SLC4A4: variants seen among roughly 807,000 people sequenced by gnomAD.
SLC4A4 encodes the protein electrogenic sodium bicarbonate cotransporter 1.
SLC4A4 carries 27 observed loss-of-function variants against 111.5 expected under a neutral mutation model. That is an observed-to-expected ratio of 0.24 (90% CI 0.18 to 0.33). The LOEUF is 0.33. Ranked by LOEUF, SLC4A4 falls within the 10% of genes least tolerant of loss-of-function variation. The pLI is 1.00. For missense variants in SLC4A4, 909 were observed against 1,315.5 expected (o/e 0.69, Z 4.78); for synonymous variants, 443 against 463.4 (o/e 0.96, Z 0.57).
chr4:71,439,433 C>A (rs1724480272), intron 7 of SLC4A4, among the ~76,000 whole-genome samples: 1 of 11,352 alleles, frequency 8.8e-5, no homozygotes. Flanking sequence ...AAGACTCTGT[C>A]TCAAAAAAAA....
At chr4:71,332,950 G>T (rs561244949) in intron 3 of SLC4A4, among the ~76,000 whole-genome samples, 1 of 152,082 alleles carries the variant, frequency 6.6e-6, no homozygotes, top group African/African-American at 2.4e-5. Context: ...TTGAGCTTCC[G>T]CAAAACAGCT....
intron 12 of SLC4A4, among the ~76,000 whole-genome samples, chr4:71,455,627 C>T (rs971100063): frequency 2.6e-5 from 4 of 152,100 alleles, no homozygotes; most frequent in Non-Finnish European, 5.9e-5. Context: ...AACTGTCTTC[C>T]GTCTGTCAGA....
rs570499683 is a variant in SLC4A4 at position 71,435,750 on chromosome 4, G to A, written c.808-4866G>A. On this transcript the variant is annotated intron_variant, in intron 7 of 25. Coordinates refer to ENST00000264485, the MANE Select transcript of SLC4A4 (RefSeq NM_001098484.3). Reference sequence around the variant, plus strand: ...CAACCCCATCAAAAAGTGGGCAAAGGATATGAGCAGACACTTTTCAAAAGA... The same window carrying A: ...CAACCCCATCAAAAAGTGGGCAAAGAATATGAGCAGACACTTTTCAAAAGA... 2.0e-3 allele frequency among the ~76,000 whole-genome samples: 308 copies of A among 152,268 alleles called. 2 individuals are homozygous for A. The highest frequency in any genetic ancestry group is 6.8e-3 in the Middle Eastern group (2 of 294).
intron 3 of SLC4A4, among the ~76,000 whole-genome samples, chr4:71,320,409 C>A (rs998610155): frequency 6.6e-6 from 1 of 151,944 alleles, no homozygotes; most frequent in Non-Finnish European, 1.5e-5. Flanking sequence ...TTTGGCTTAT[C>A]TCGTTCATCA....
rs139314157 is a variant in SLC4A4, at chr4:71,098,073, G to A, written c.-2+5281G>A. On this transcript the variant is annotated intron_variant, in intron 2 of 26. Transcript: ENST00000649996. ...TTGTGCTTTTGTTGTGATGGCTTCT[G>A]GCATCTTTGTCATGAAGTATTTGCC... Among the ~76,000 whole-genome samples the A allele has an allele frequency of 2.3e-4, 35 of 152,232 alleles. 1 individual carries two copies. The East Asian group carries it at 5.8e-3, about 25-fold the overall frequency.
At chr4:71,489,051 T>TAATC in intron 15 of SLC4A4, among the ~76,000 whole-genome samples, 1 of 151,054 alleles carries the variant, frequency 6.6e-6, no homozygotes, top group African/African-American at 2.4e-5. Flanking sequence ...AAATGAGTTT[T>TAATC]AAATATGATT....
At chr4:71,477,056 C>T (rs1456055504) in intron 14 of SLC4A4, among the ~76,000 whole-genome samples, 1 of 151,734 alleles carries the variant, frequency 6.6e-6, no homozygotes, top group Non-Finnish European at 1.5e-5. Flanking sequence ...CTAATTTCAT[C>T]ACCAACACCC....
At chr4:71,095,092 T>A (rs376478750) in intron 2 of SLC4A4, among the ~76,000 whole-genome samples, 1 of 152,258 alleles carries the variant, frequency 6.6e-6, no homozygotes, top group East Asian at 1.9e-4. Context: ...CAGAGAGCAC[T>A]ATGTTGAAAA....
intron 2 of SLC4A4, among the ~76,000 whole-genome samples, chr4:71,145,872 A>G (rs929846133): frequency 6.6e-6 from 1 of 151,852 alleles, no homozygotes; most frequent in African/African-American, 2.4e-5. Flanking sequence ...CGGTCTATCA[A>G]TTTTGTTGAT....
chr4:71,253,427 G>A (rs1039390756), intron 2 of SLC4A4, among the ~76,000 whole-genome samples: 5 of 151,986 alleles, frequency 3.3e-5, no homozygotes, highest in African/African-American at 4.8e-5. Context: ...TTGCTTAGCC[G>A]CCATATTTAA....
chr4:71,079,648 C>A (rs1346981023), intron 1 of SLC4A4, among the ~76,000 whole-genome samples: 2 of 151,996 alleles, frequency 1.3e-5, no homozygotes, highest in African/African-American at 4.8e-5. Flanking sequence ...TGGTGGCACA[C>A]ACCTGTAGTC....
At chr4:71,473,174 T>G (rs1728047131) in intron 14 of SLC4A4, 2 of 703,344 alleles carry the variant, frequency 2.8e-6, no homozygotes, top group Non-Finnish European at 5.1e-6. Context: ...GACCAGGAGC[T>G]CTGGAATGTG....
intron 3 of SLC4A4, among the ~76,000 whole-genome samples, chr4:71,331,826 G>A (rs977976642): frequency 6.6e-6 from 1 of 151,916 alleles, no homozygotes; most frequent in Non-Finnish European, 1.5e-5. Flanking sequence ...TCTATGCTAG[G>A]AGACCGTTTA....
In SLC4A4 at chr4:71,087,041, T is replaced by C. The variant is rs976290016; in HGVS notation, c.-64-5689T>C. The stretch of plus-strand genomic sequence containing the variant: ...CTGCGAATCCATCTGGTCCTGGACT[T>C]TTTTTGGTTGGTAAGCTATTAATTA... On this transcript the variant is annotated intron_variant, in intron 1 of 26. Coordinates refer to the SLC4A4 transcript ENST00000649996. 1.2e-4 allele frequency among the ~76,000 whole-genome samples: 18 copies of C among 151,962 alleles called. 1 individual carries two copies. Among genetic ancestry groups the C allele is most frequent in the African/African-American group, 4.1e-4 (17 of 41,280 alleles).
At chr4:71,362,742 G>C (rs77530682) in intron 6 of SLC4A4, among the ~76,000 whole-genome samples, 3,016 of 152,186 alleles carry the variant, frequency 0.02, 101 homozygotes, top group African/African-American at 0.069. Flanking sequence ...GTCAGGGGGG[G>C]TCCTAAATCA....
intron 3 of SLC4A4, among the ~76,000 whole-genome samples, chr4:71,310,659 C>T (rs960988007): frequency 1.3e-5 from 2 of 152,138 alleles, no homozygotes; most frequent in Non-Finnish European, 2.9e-5. Flanking sequence ...ACCAGGCCTG[C>T]CTTACAGGAG....
intron 6 of SLC4A4, among the ~76,000 whole-genome samples, chr4:71,393,446 A>G (rs1719501481): frequency 1.3e-5 from 2 of 152,180 alleles, no homozygotes; most frequent in African/African-American, 4.8e-5. Context: ...ACTTAGGAAT[A>G]TACCTAACGA....
At chr4:71,485,449 A>T (rs1729285613) in intron 14 of SLC4A4, among the ~76,000 whole-genome samples, 1 of 151,590 alleles carries the variant, frequency 6.6e-6, no homozygotes, top group Admixed American at 6.6e-5. Flanking sequence ...ATTGATTTGC[A>T]TATGTTGAAC....
chr4:71,101,631 T>A (rs1742738013), intron 2 of SLC4A4, among the ~76,000 whole-genome samples: 1 of 152,116 alleles, frequency 6.6e-6, no homozygotes, highest in Non-Finnish European at 1.5e-5. Flanking sequence ...CCGAGCAGCC[T>A]AACTGGGAGG....
Sources: gnomAD v4.1 joint callset for allele counts (sites outside exome capture counted in the v4.1 genomes callset) on GRCh38, gnomAD v4.1.1 for gene constraint, MANE v1.5 for transcripts, NCBI Gene and HGNC (gene_info 2026-07-23, HGNC 2026-07-21) for gene names.